Variants in UMAD1 observed in about 807,000 individuals in gnomAD.
The protein encoded by UMAD1 is UBAP1-MVB12-associated (UMA) domain containing 1.
A neutral mutation model predicts 6.1 loss-of-function variants in UMAD1; 8 were observed. The observed-to-expected ratio is 1.30, with a 90% CI of 0.76 to 2.35. UMAD1 has a LOEUF of 2.35. Ranked by LOEUF, UMAD1 falls within the 30% of genes most tolerant of loss-of-function variation. The probability of loss-of-function intolerance (pLI) is 0.00; values close to 1 mark genes in which losing one functional copy is unlikely to be tolerated. For missense variants in UMAD1, 130 were observed against 78.4 expected (o/e 1.66, Z -2.49); for synonymous variants, 56 against 31.4 (o/e 1.78, Z -2.61).
At chr7:7,660,616 GTTGACTATTGGC>G (rs1370014050) in intron 1 of UMAD1, among the ~76,000 whole-genome samples, 1 of 152,206 alleles carries the variant, frequency 6.6e-6, no homozygotes, top group Non-Finnish European at 1.5e-5. Context: ...CTTTAAGAAT[GTTGACTATTGGC>G]CCCACTCTCT....
At chr7:7,676,331 C>T (rs546537968) in intron 2 of UMAD1, 1 of 392,596 alleles carries the variant, frequency 2.5e-6, no homozygotes, top group South Asian at 1.4e-4. Context: ...TAGAAAAACC[C>T]TGTGAGTGAG....
chr7:7,664,984 G>C (rs1439557112), intron 1 of UMAD1, among the ~76,000 whole-genome samples: 1 of 149,210 alleles, frequency 6.7e-6, no homozygotes, highest in Non-Finnish European at 1.5e-5. Flanking sequence ...GGAATAAAAT[G>C]TGTGTGGGTG....
At chr7:7,684,363 G>A (rs928733804) in intron 2 of UMAD1, among the ~76,000 whole-genome samples, 6 of 151,404 alleles carry the variant, frequency 4.0e-5, no homozygotes, top group East Asian at 2.0e-4. Context: ...CACCATTCCC[G>A]GCTAATTTTT....
At chr7:7,654,362 G>T (rs1330364941) in intron 1 of UMAD1, among the ~76,000 whole-genome samples, 1 of 152,186 alleles carries the variant, frequency 6.6e-6, no homozygotes, top group African/African-American at 2.4e-5. Flanking sequence ...ATTTTCTTAG[G>T]TGAAGTTGTT....
chr7:7,870,017 A>C (rs1323367690), intron 3 of UMAD1, among the ~76,000 whole-genome samples: 1 of 152,214 alleles, frequency 6.6e-6, no homozygotes, highest in Non-Finnish European at 1.5e-5. Flanking sequence ...CCTCTGCAAG[A>C]AAGGGAGGAA....
intron 2 of UMAD1, among the ~76,000 whole-genome samples, chr7:7,735,463 G>A (rs1380808578): frequency 1.3e-5 from 2 of 151,262 alleles, no homozygotes; most frequent in African/African-American, 2.4e-5. Context: ...AGGCTGGAGT[G>A]CAATGACGTG....
chr7:7,872,359 CAG>C (rs1359587569), intron 3 of UMAD1, among the ~76,000 whole-genome samples: 4 of 152,150 alleles, frequency 2.6e-5, no homozygotes, highest in African/African-American at 4.8e-5. Flanking sequence ...TGAGCTGTCT[CAG>C]GGAAGTCTGA....
chr7:7,715,957 A>G (rs1471089966), intron 2 of UMAD1, among the ~76,000 whole-genome samples: 1 of 152,226 alleles, frequency 6.6e-6, no homozygotes, highest in Non-Finnish European at 1.5e-5. Flanking sequence ...GATAGTATAA[A>G]ACATAGTTTG....
At position 7,829,704 on chromosome 7, in the gene UMAD1, T is replaced by C. The variant is rs78956900; in HGVS notation, c.156+27961T>C. ...CATTTTACAAAACAATTTTGTATAC[T>C]TTCCTTGATGGAAAATATTATGACA... On this transcript the variant is annotated intron_variant, in intron 3 of 3. Coordinates refer to ENST00000682710, the MANE Select transcript of UMAD1 (RefSeq NM_001302348.2). Among the ~76,000 whole-genome samples the C allele has an allele frequency of 1.9e-3, 287 of 152,336 alleles. 1 individual carries two copies. The highest frequency in any genetic ancestry group is 6.6e-3 in the African/African-American group (274 of 41,580).
intron 2 of UMAD1, among the ~76,000 whole-genome samples, chr7:7,751,372 A>G (rs1346057325): frequency 1.3e-5 from 2 of 152,244 alleles, no homozygotes; most frequent in African/African-American, 4.8e-5. Context: ...GTGCCAATGC[A>G]AACAATGGAT....
chr7:7,781,718 A>G (rs555102494), intron 2 of UMAD1, among the ~76,000 whole-genome samples: 1 of 152,130 alleles, frequency 6.6e-6, no homozygotes, highest in East Asian at 1.9e-4. Flanking sequence ...TATCTTCTAT[A>G]TTAATTTTGT....
rs757161472 is a variant in UMAD1 at position 7,877,476 on chromosome 7, G to A, written c.352G>A (p.Glu118Lys). Residue 118 changes from glutamate to lysine, a missense_variant, in exon 4 of 4, where the codon GAA becomes AAA. By Grantham distance (56) the Glu-to-Lys change is moderately conservative. Coordinates refer to ENST00000682710, the MANE Select transcript of UMAD1 (RefSeq NM_001302348.2). The stretch of plus-strand genomic sequence containing the variant: ...CCACTTACTCTCCTATGATGGCAGC[G>A]AAAACTTATCACGGTTTTGGTATGA... The part of the protein sequence containing the change: ...PDHLLSYDGS[E>K]NLSRFWYDFT... 10 of 717,444 alleles carry A rather than the reference G, an allele frequency of 1.4e-5. No individual in the cohort carries two copies. Among genetic ancestry groups the A allele is most frequent in the Non-Finnish European group, 1.8e-5 (7 of 385,122 alleles). 44.4% of individuals were successfully genotyped at this position (717,444 alleles called of 1,614,324 possible).
intron 2 of UMAD1, among the ~76,000 whole-genome samples, chr7:7,738,308 T>G (rs7796096): frequency 0.3 from 45,184 of 152,066 alleles, 7,751 homozygotes; most frequent in African/African-American, 0.48. Context: ...GCCTATGCCC[T>G]TAGTGCCAAA....
chr7:7,804,796 A>G (rs576689695), intron 3 of UMAD1, among the ~76,000 whole-genome samples: 1 of 152,178 alleles, frequency 6.6e-6, no homozygotes, highest in African/African-American at 2.4e-5. Context: ...TCTGGCTAAC[A>G]TGGTGAAACC....
At chr7:7,865,009 G>T (rs1784200147) in intron 3 of UMAD1, among the ~76,000 whole-genome samples, 2 of 152,330 alleles carry the variant, frequency 1.3e-5, no homozygotes, top group South Asian at 4.1e-4. Context: ...CCCGGAAGGG[G>T]TGTGGGAGCC....
chr7:7,783,190 C>A (rs1255470398), intron 2 of UMAD1, among the ~76,000 whole-genome samples: 1 of 152,222 alleles, frequency 6.6e-6, no homozygotes, highest in Non-Finnish European at 1.5e-5. Context: ...TTGCACCCAT[C>A]TTGTCTAAGT....
At chr7:7,845,646 G>T (rs1783769704) in intron 3 of UMAD1, among the ~76,000 whole-genome samples, 1 of 151,944 alleles carries the variant, frequency 6.6e-6, no homozygotes, top group African/African-American at 2.4e-5. Context: ...CTTTTTGTTT[G>T]TTTCATAAAT....
At position 7,788,443 on chromosome 7, in the gene UMAD1, C is replaced by G. The variant is rs145730307; in HGVS notation, c.83-13227C>G. Among the ~76,000 whole-genome samples the G allele has an allele frequency of 3.7e-3, 559 of 152,334 alleles. 4 individuals are homozygous for G. The highest frequency in any genetic ancestry group is 0.013 in the African/African-American group (534 of 41,574). On this transcript the variant is annotated intron_variant, in intron 2 of 3. Coordinates refer to ENST00000682710, the MANE Select transcript of UMAD1 (RefSeq NM_001302348.2). Reference sequence around the variant, plus strand: ...TCATACTATTTAGCCGTGCCACTTGCTCACTGTCACCCAGTGCTTCTTCTT... The same window carrying G: ...TCATACTATTTAGCCGTGCCACTTGGTCACTGTCACCCAGTGCTTCTTCTT...
rs1017985576 is a variant in UMAD1 at position 7,830,008 on chromosome 7, C to T, written c.156+28265C>T. On this transcript the variant is annotated intron_variant, in intron 3 of 3. Transcript: ENST00000682710. The surrounding 1 kb of genome is among the most constrained non-coding windows in gnomAD (Gnocchi z 5.3). ...ATTTACTACAGAGTCTTCCGACAAA[C>T]CTTCTTCCTTCTGACTTTTGCCTTT... 1.1e-4 allele frequency among the ~76,000 whole-genome samples: 16 copies of T among 152,176 alleles called. No homozygotes were observed. Among genetic ancestry groups the T allele is most frequent in the Non-Finnish European group, 1.6e-4 (11 of 68,028 alleles).
Sources: allele counts gnomAD v4.1 joint callset (sites outside exome capture counted in the v4.1 genomes callset), GRCh38; gene constraint gnomAD v4.1.1; non-coding constraint Gnocchi (gnomAD v3.1); transcripts MANE v1.5; gene names NCBI Gene and HGNC (gene_info 2026-07-23, HGNC 2026-07-21).